The following SLC9C1 variants were observed in gnomAD, a reference collection of about 807,000 sequenced individuals.
SLC9C1 encodes the protein solute carrier family 9 member C1.
In SLC9C1, 97 loss-of-function variants were observed where a neutral mutation model predicts 140.9. That is an observed-to-expected ratio of 0.69 (90% CI 0.58 to 0.82). The LOEUF is 0.82. SLC9C1 is among the 40% of genes least tolerant of loss of function. The pLI is 0.00. For synonymous variants in SLC9C1, 440 were observed against 442.6 expected, an observed-to-expected ratio of 0.99 and a Z score of 0.07; for missense variants, 1,340 against 1,389.3, an observed-to-expected ratio of 0.96 and a Z score of 0.56.
At chr3:112,146,994 A>G (rs1348084372) in intron 28 of SLC9C1, among the ~76,000 whole-genome samples, 1 of 152,226 alleles carries the variant, frequency 6.6e-6, no homozygotes, top group Non-Finnish European at 1.5e-5. Flanking sequence ...TTGGGTGCAT[A>G]TAAATTTAGG....
intron 28 of SLC9C1, among the ~76,000 whole-genome samples, chr3:112,147,307 G>A (rs1208578061): frequency 6.6e-6 from 1 of 152,178 alleles, no homozygotes; most frequent in Non-Finnish European, 1.5e-5. Context: ...ATATTGATAT[G>A]TAATTTTGAT....
chr3:112,268,565 G>A (rs927461463), intron 7 of SLC9C1, among the ~76,000 whole-genome samples: 5 of 152,246 alleles, frequency 3.3e-5, no homozygotes, highest in Non-Finnish European at 5.9e-5. Flanking sequence ...ATTGCTGGCT[G>A]ATAAAAATAC....
rs139173539 is a variant in SLC9C1, at chr3:112,180,758, C to T, written c.2650-96G>A. 152 of 1,011,956 alleles carry T rather than the reference C, an allele frequency of 1.5e-4. No individual in the cohort carries two copies. The African/African-American group carries it at 1.9e-3, about 13-fold the overall frequency. The allele number at this position is 1,011,956 out of a possible 1,614,324, so 62.7% of individuals were successfully genotyped here. On this transcript the variant is annotated intron_variant, in intron 21 of 28. Transcript: ENST00000305815. ...ATTTTTGTTATTTATTTTTTTGAGA[C>T]GGAGTCTCGCTCTGTCACCCATACT...
chr3:112,160,605 T>G (rs1267328985), intron 26 of SLC9C1, among the ~76,000 whole-genome samples: 1 of 151,966 alleles, frequency 6.6e-6, no homozygotes, highest in African/African-American at 2.4e-5. Context: ...GAACTCATCA[T>G]TTTTTATGGC....
At chr3:112,216,420 A>G (rs1255774759) in intron 15 of SLC9C1, among the ~76,000 whole-genome samples, 1 of 152,106 alleles carries the variant, frequency 6.6e-6, no homozygotes, top group Non-Finnish European at 1.5e-5. Flanking sequence ...TGAACAGGCA[A>G]CCTACAGAAT....
At chr3:112,211,446 C>T (rs2078201692) in intron 15 of SLC9C1, among the ~76,000 whole-genome samples, 1 of 152,208 alleles carries the variant, frequency 6.6e-6, no homozygotes, top group South Asian at 2.1e-4. Context: ...TCGGGGGATT[C>T]CCTTTCCTAG....
intron 2 of SLC9C1, among the ~76,000 whole-genome samples, chr3:112,284,986 T>TTTC (rs1553707428): frequency 5.3e-5 from 1 of 18,734 alleles, no homozygotes; most frequent in Non-Finnish European, 9.6e-5. Context: ...ACAATTTTTC[T>TTTC]TTTTTTTTTT....
intron 17 of SLC9C1, 45 bp from the exon 18 acceptor site, chr3:112,202,444 AT>A: frequency 6.5e-7 from 1 of 1,529,852 alleles, no homozygotes; most frequent in Non-Finnish European, 8.8e-7. Flanking sequence ...CACAAATATC[AT>A]TTTATGATAT....
intron 4 of SLC9C1, 110 bp from the exon 5 acceptor site, chr3:112,277,970 C>G (rs935942582): frequency 1.1e-6 from 1 of 873,082 alleles, no homozygotes; most frequent in African/African-American, 1.8e-5. Context: ...CCAACAGTAC[C>G]CACCAGCAGA....
intron 10 of SLC9C1, among the ~76,000 whole-genome samples, chr3:112,249,708 G>T (rs1002413391): frequency 2.4e-4 from 36 of 151,974 alleles, no homozygotes; most frequent in Non-Finnish European, 4.6e-4. Context: ...TTTCTTGTAG[G>T]TTTTCTAGTT....
intron 1 of SLC9C1, among the ~76,000 whole-genome samples, chr3:112,293,549 T>G (rs961314669): frequency 6.6e-6 from 1 of 152,186 alleles, no homozygotes; most frequent in African/African-American, 2.4e-5. Flanking sequence ...TCAGTAATCT[T>G]CACAGCTACA....
chr3:112,162,371 A>G (rs1434133193), intron 26 of SLC9C1, among the ~76,000 whole-genome samples: 1 of 152,026 alleles, frequency 6.6e-6, no homozygotes, highest in Non-Finnish European at 1.5e-5. Flanking sequence ...GAATGCTTCC[A>G]GTTTTTGCCC....
intron 3 of SLC9C1, among the ~76,000 whole-genome samples, chr3:112,279,778 A>C (rs533021983): frequency 6.0e-4 from 91 of 152,296 alleles, no homozygotes; most frequent in African/African-American, 2.0e-3. Context: ...ATGGTTCAGG[A>C]AACAGGCACA....
At chr3:112,157,607 G>T (rs1241461704) in intron 26 of SLC9C1, among the ~76,000 whole-genome samples, 1 of 151,778 alleles carries the variant, frequency 6.6e-6, no homozygotes, top group East Asian at 1.9e-4. Flanking sequence ...GATTGCTTTG[G>T]GTAGTATAGA....
intron 1 of SLC9C1, among the ~76,000 whole-genome samples, chr3:112,293,238 T>G (rs1352765086): frequency 1.3e-5 from 2 of 151,952 alleles, no homozygotes; most frequent in Non-Finnish European, 2.9e-5. Context: ...ATTGTGCCAC[T>G]GCACTCCAGC....
chr3:112,201,278 C>T (rs10511308), intron 18 of SLC9C1, among the ~76,000 whole-genome samples: 44,976 of 151,806 alleles, frequency 0.3, 7,219 homozygotes, highest in East Asian at 0.43. Context: ...CCAAGGTGAA[C>T]GAAAGTAGAA....
intron 12 of SLC9C1, among the ~76,000 whole-genome samples, chr3:112,236,445 A>T (rs1249755775): frequency 6.6e-6 from 1 of 152,088 alleles, no homozygotes; most frequent in East Asian, 1.9e-4. Context: ...GATTTTTTGA[A>T]GGGATTTTAT....
chr3:112,207,221 A>T (rs1430834865), intron 16 of SLC9C1, among the ~76,000 whole-genome samples: 2 of 152,206 alleles, frequency 1.3e-5, no homozygotes, highest in African/African-American at 4.8e-5. Flanking sequence ...GATTTCAAAG[A>T]TGATTGTAGA....
chr3:112,292,822 C>T (rs528285020), intron 1 of SLC9C1, among the ~76,000 whole-genome samples: 3 of 150,622 alleles, frequency 2.0e-5, no homozygotes, highest in East Asian at 4.1e-4. Flanking sequence ...GGATTACAGG[C>T]GTGAGCCACC....
Sources: allele counts gnomAD v4.1 joint callset (sites outside exome capture counted in the v4.1 genomes callset), GRCh38; gene constraint gnomAD v4.1.1; transcripts MANE v1.5; gene names NCBI Gene and HGNC (gene_info 2026-07-23, HGNC 2026-07-21).